Variants in MYO16 observed in about 807,000 individuals in gnomAD.
MYO16 encodes unconventional myosin-XVI.
A neutral mutation model predicts 205.3 loss-of-function variants in MYO16; 94 were observed. The ratio of observed to expected loss-of-function variants is 0.46; its 90% CI spans 0.39 to 0.54. The LOEUF is 0.54. MYO16 is among the 20% of genes least tolerant of loss of function. The probability of loss-of-function intolerance (pLI) is 0.00; values close to 1 mark genes in which losing one functional copy is unlikely to be tolerated. For missense variants in MYO16, 2,315 were observed against 2,387.5 expected, an observed-to-expected ratio of 0.97 and a Z score of 0.63; for synonymous variants, 988 against 954.0, an observed-to-expected ratio of 1.04 and a Z score of -0.66.
intron 23 of MYO16, among the ~76,000 whole-genome samples, chr13:109,022,428 A>G (rs1161347872): frequency 7.7e-6 from 1 of 130,024 alleles, no homozygotes; most frequent in African/African-American, 3.0e-5. Flanking sequence ...ATACAAATAT[A>G]AACATATGTA....
At chr13:108,951,989 C>A (rs1226266712) in intron 16 of MYO16, among the ~76,000 whole-genome samples, 1 of 151,828 alleles carries the variant, frequency 6.6e-6, no homozygotes, top group Non-Finnish European at 1.5e-5. Context: ...GCCTGTAGTC[C>A]CAGCCACTCC....
At chr13:108,592,469 A>T (rs1327052371), upstream of MYO16, among the ~76,000 whole-genome samples, 1 of 60,534 alleles carries the variant, frequency 1.7e-5, no homozygotes, top group African/African-American at 7.1e-5. Flanking sequence ...GGTGCGGTGT[A>T]TGGGGCTTTA....
chr13:109,140,723 TC>T lies in MYO16; in HGVS notation c.4515del (p.Asn1506ThrfsTer28). ...PGDACDIPPP[F>X]PNLLPHRPPL... ...GACGCGTGCGACATCCCGCCGCCCT[TC>T]CCCAACCTGCTGCCGCACCGGCCGC... On this transcript the variant is annotated frameshift_variant, in exon 32 of 35. Transcript: ENST00000457511. LOFTEE classifies it high-confidence loss of function. The surrounding 1 kb of genome is among the most constrained non-coding windows in gnomAD (Gnocchi z 8.0). 1 of 1,508,342 alleles carries T rather than the reference TC, an allele frequency of 6.6e-7. No homozygotes were observed. Among genetic ancestry groups the T allele is most frequent in the Non-Finnish European group, 8.9e-7 (1 of 1,129,532 alleles). 93.4% of individuals were successfully genotyped at this position (1,508,342 alleles called of 1,614,324 possible).
chr13:108,909,445 T>A (rs775169641), intron 15 of MYO16, among the ~76,000 whole-genome samples: 1 of 152,166 alleles, frequency 6.6e-6, no homozygotes, highest in African/African-American at 2.4e-5. Context: ...AAATACATTA[T>A]GTGTATTAAA....
intron 20 of MYO16, among the ~76,000 whole-genome samples, chr13:108,968,983 CTG>C (rs1320142601): frequency 6.6e-6 from 1 of 152,182 alleles, no homozygotes; most frequent in African/African-American, 2.4e-5. Flanking sequence ...AACCTCAAGA[CTG>C]TGAATAAGCA....
chr13:109,141,470 A>C lies in MYO16; in HGVS notation c.5164+94A>C. The C allele has an allele frequency of 1.1e-6, 1 of 918,826 alleles. No homozygotes were observed. The highest frequency in any genetic ancestry group is 1.5e-6 in the Non-Finnish European group (1 of 664,516). The allele number at this position is 918,826 out of a possible 1,614,324, so 56.9% of individuals were successfully genotyped here. ...CGTGTCTGCGCAGATGTGAAATAGT[A>C]AAGTTTCAGGTGATGGCCGTGGTCG... On this transcript the variant is annotated intron_variant, in intron 32 of 34. Transcript: ENST00000457511. This position sits in a 1 kb window ranked among gnomAD's most constrained non-coding sequence, Gnocchi z 4.1.
At chr13:108,623,894 G>GA (rs1476785599) in intron 1 of MYO16, among the ~76,000 whole-genome samples, 2 of 151,894 alleles carry the variant, frequency 1.3e-5, no homozygotes, top group East Asian at 1.9e-4. Flanking sequence ...ACTGGTACAT[G>GA]AAAAAAATGA....
chr13:108,762,940 T>A (rs1296620154), intron 4 of MYO16, among the ~76,000 whole-genome samples: 3 of 131,082 alleles, frequency 2.3e-5, no homozygotes, highest in African/African-American at 5.3e-5. Flanking sequence ...TCCCAACTTC[T>A]GGATTAACAT....
At chr13:109,093,532 A>G (rs1183652842) in intron 27 of MYO16, among the ~76,000 whole-genome samples, 1 of 152,164 alleles carries the variant, frequency 6.6e-6, no homozygotes, top group Non-Finnish European at 1.5e-5. Context: ...TCTCAGTCAC[A>G]GTATTTCCCT....
chr13:109,068,789 C>A (rs917431566), intron 27 of MYO16, among the ~76,000 whole-genome samples: 1 of 152,132 alleles, frequency 6.6e-6, no homozygotes, highest in African/African-American at 2.4e-5. Context: ...AGGGGTTTCA[C>A]CATGTTGGTC....
chr13:108,787,036 T>C (rs1442175799), intron 5 of MYO16, among the ~76,000 whole-genome samples: 1 of 152,242 alleles, frequency 6.6e-6, no homozygotes, highest in African/African-American at 2.4e-5. Flanking sequence ...TGGCCTGCAA[T>C]TGTGAATTGA....
chr13:108,874,816 A>G (rs1879249118), intron 12 of MYO16, among the ~76,000 whole-genome samples: 1 of 151,910 alleles, frequency 6.6e-6, no homozygotes, highest in Non-Finnish European at 1.5e-5. Context: ...CACAAATAGG[A>G]CACCTACCCA....
At chr13:108,758,435 C>A (rs1885492793) in intron 4 of MYO16, among the ~76,000 whole-genome samples, 1 of 152,058 alleles carries the variant, frequency 6.6e-6, no homozygotes, top group South Asian at 2.1e-4. Context: ...TGTAAGAGAT[C>A]ACTGTTATCA....
chr13:109,102,096 CT>C lies in MYO16; in HGVS notation c.3438+1219del, dbSNP rs796334774. On this transcript the variant is annotated intron_variant, in intron 28 of 34. Transcript: ENST00000457511. Reference sequence around the variant, plus strand: ...TTTCTTTGTTATCTTTTTTCCTTTTCTTTTTTTTTTAACTAATAATGAAATT... The same window carrying C: ...TTTCTTTGTTATCTTTTTTCCTTTTCTTTTTTTTTAACTAATAATGAAATT... Among the ~76,000 whole-genome samples the C allele has an allele frequency of 8.2e-3, 1,214 of 148,430 alleles. 22 individuals are homozygous for C. The highest frequency in any genetic ancestry group is 0.028 in the African/African-American group (1,132 of 40,654).
intron 1 of MYO16, among the ~76,000 whole-genome samples, chr13:108,648,902 T>TTCTC (rs143168978): frequency 2.7e-4 from 40 of 149,218 alleles, no homozygotes; most frequent in African/African-American, 7.1e-4. Context: ...TCCATTCTAA[T>TTCTC]TCTCTCTCTC....
At chr13:108,625,984 G>T (rs1372902496), upstream of MYO16, among the ~76,000 whole-genome samples, 1 of 152,148 alleles carries the variant, frequency 6.6e-6, no homozygotes, top group South Asian at 2.1e-4. Context: ...CTCACCTGGG[G>T]CCTTTTTGGA....
intron 28 of MYO16, among the ~76,000 whole-genome samples, chr13:109,102,984 G>C: frequency 6.6e-6 from 1 of 152,156 alleles, no homozygotes; most frequent in East Asian, 1.9e-4. Flanking sequence ...TTGCTTATGA[G>C]TTCCCTGTTG....
At chr13:108,851,430 T>A (rs1336994618) in intron 10 of MYO16, among the ~76,000 whole-genome samples, 1 of 152,154 alleles carries the variant, frequency 6.6e-6, no homozygotes, top group Non-Finnish European at 1.5e-5. Context: ...CTTTCATGTG[T>A]CTCTCTACAT....
chr13:108,839,782 A>C (rs912687494), intron 9 of MYO16, among the ~76,000 whole-genome samples: 3 of 152,182 alleles, frequency 2.0e-5, no homozygotes, highest in African/African-American at 7.2e-5. Context: ...TATAAACATA[A>C]AGCTCTGTGT....
Sources: gnomAD v4.1 joint callset for allele counts (sites outside exome capture counted in the v4.1 genomes callset) on GRCh38, gnomAD v4.1.1 for gene constraint, Gnocchi (gnomAD v3.1) non-coding constraint, MANE v1.5 for transcripts, NCBI Gene and HGNC (gene_info 2026-07-23, HGNC 2026-07-21) for gene names.